PSD3: variants seen among roughly 807,000 people sequenced by gnomAD.
PSD3 encodes the protein PH and SEC7 domain-containing protein 3.
PSD3 carries 49 observed loss-of-function variants against 105.5 expected under a neutral mutation model. The ratio of observed to expected loss-of-function variants is 0.46; its 90% CI spans 0.37 to 0.59. PSD3 has a LOEUF of 0.59. PSD3 is among the 20% of genes least tolerant of loss of function. PSD3 has a pLI of 0.00. For missense variants in PSD3, 1,561 were observed against 1,263.8 expected (o/e 1.24, Z -3.57); for synonymous variants, 557 against 457.8 (o/e 1.22, Z -2.77).
chr8:18,982,754 C>T (rs1447390387), intron 1 of PSD3, among the ~76,000 whole-genome samples: 1 of 152,192 alleles, frequency 6.6e-6, no homozygotes, highest in Non-Finnish European at 1.5e-5. Flanking sequence ...TTCAGTAAAC[C>T]ATGCTGCTAA....
chr8:18,708,425 G>A (rs1289524411), intron 9 of PSD3, among the ~76,000 whole-genome samples: 1 of 151,688 alleles, frequency 6.6e-6, no homozygotes, highest in Non-Finnish European at 1.5e-5. Flanking sequence ...CTCTAGGCCT[G>A]GGATTGAAAA....
intron 2 of PSD3, among the ~76,000 whole-genome samples, chr8:18,892,175 T>TCACA (rs60102889): frequency 2.1e-4 from 32 of 149,882 alleles, no homozygotes; most frequent in Middle Eastern, 3.4e-3. Flanking sequence ...TTACTTACAA[T>TCACA]CACACACACA....
intron 12 of PSD3, among the ~76,000 whole-genome samples, chr8:18,591,336 T>A (rs769909193): frequency 6.6e-6 from 1 of 152,094 alleles, no homozygotes; most frequent in East Asian, 1.9e-4. Context: ...CTTGGTTCAA[T>A]TGGAATACTG....
chr8:18,994,403 G>A (rs1825955763), intron 1 of PSD3, among the ~76,000 whole-genome samples: 2 of 151,864 alleles, frequency 1.3e-5, no homozygotes, highest in Non-Finnish European at 2.9e-5. Context: ...AACCATATAT[G>A]CCTCACTACA....
chr8:19,054,434 T>A (rs975053536), intron 1 of PSD3, among the ~76,000 whole-genome samples: 1 of 152,040 alleles, frequency 6.6e-6, no homozygotes, highest in Non-Finnish European at 1.5e-5. Flanking sequence ...AGAGACTGAA[T>A]AATGTTTGTT....
At chr8:19,038,631 T>C (rs1489916108) in intron 1 of PSD3, among the ~76,000 whole-genome samples, 1 of 152,092 alleles carries the variant, frequency 6.6e-6, no homozygotes, top group Non-Finnish European at 1.5e-5. Flanking sequence ...CAGCTAATTT[T>C]TTTATTTTTT....
At chr8:18,889,404 A>G (rs1818645037) in intron 2 of PSD3, among the ~76,000 whole-genome samples, 1 of 152,108 alleles carries the variant, frequency 6.6e-6, no homozygotes, top group African/African-American at 2.4e-5. Context: ...CCTGTGATAT[A>G]CAAACCAACC....
At chr8:19,064,579 T>C (rs75800586) in intron 1 of PSD3, among the ~76,000 whole-genome samples, 12,900 of 152,206 alleles carry the variant, frequency 0.085, 710 homozygotes, top group Middle Eastern at 0.16. Flanking sequence ...AATACCGAGA[T>C]AATCTAAACG....
intron 11 of PSD3, among the ~76,000 whole-genome samples, chr8:18,609,226 G>A (rs1338540092): frequency 6.6e-6 from 1 of 152,180 alleles, no homozygotes; most frequent in Admixed American, 6.6e-5. Context: ...ACATTAATGA[G>A]AAGTAATTTA....
intron 4 of PSD3, among the ~76,000 whole-genome samples, chr8:18,833,842 C>T (rs1313647277): frequency 1.3e-5 from 2 of 152,014 alleles, no homozygotes; most frequent in African/African-American, 4.8e-5. Context: ...TAACTGTTGA[C>T]ATGTAAAGCC....
At chr8:18,732,423 T>C (rs1436455923) in intron 9 of PSD3, among the ~76,000 whole-genome samples, 1 of 152,232 alleles carries the variant, frequency 6.6e-6, no homozygotes, top group Non-Finnish European at 1.5e-5. Flanking sequence ...GTTCATTTGC[T>C]AGAGATTCTG....
intron 10 of PSD3, among the ~76,000 whole-genome samples, chr8:18,638,090 G>A (rs922470365): frequency 6.6e-6 from 1 of 150,914 alleles, no homozygotes; most frequent in Admixed American, 6.6e-5. Flanking sequence ...GGCAAGTGGA[G>A]GTTGCAGTGA....
At chr8:18,567,281 C>G (rs1405706648) in intron 14 of PSD3, among the ~76,000 whole-genome samples, 1 of 148,880 alleles carries the variant, frequency 6.7e-6, no homozygotes, top group African/African-American at 2.5e-5. Context: ...TTTTTTTTTG[C>G]TTCCAGTTAC....
chr8:18,759,730 T>C (rs565166482), intron 9 of PSD3, among the ~76,000 whole-genome samples: 1 of 152,020 alleles, frequency 6.6e-6, no homozygotes, highest in East Asian at 2.0e-4. Context: ...CAGAATGAAA[T>C]TATGGGACGG....
At chr8:18,895,888 A>G (rs958191004) in intron 2 of PSD3, among the ~76,000 whole-genome samples, 4 of 152,242 alleles carry the variant, frequency 2.6e-5, no homozygotes, top group Non-Finnish European at 5.9e-5. Context: ...GCTATAGAAT[A>G]CTAGAACTTA....
chr8:19,065,169 T>C (rs1829035554), intron 1 of PSD3, among the ~76,000 whole-genome samples: 1 of 152,210 alleles, frequency 6.6e-6, no homozygotes, highest in Non-Finnish European at 1.5e-5. Flanking sequence ...GTGTCTGCTT[T>C]CTTCCATCTT....
intron 9 of PSD3, among the ~76,000 whole-genome samples, chr8:18,698,853 T>C (rs542513862): frequency 2.6e-5 from 4 of 152,300 alleles, no homozygotes; most frequent in South Asian, 2.1e-4. Context: ...AACAATAATA[T>C]GTGAGATAAG....
chr8:19,059,638 C>T (rs955197061), intron 1 of PSD3, among the ~76,000 whole-genome samples: 1 of 152,134 alleles, frequency 6.6e-6, no homozygotes, highest in African/African-American at 2.4e-5. Flanking sequence ...ATCAGTTAGT[C>T]AAGAAATTTA....
intron 11 of PSD3, among the ~76,000 whole-genome samples, chr8:18,605,000 A>G (rs557089829): frequency 3.1e-4 from 47 of 152,366 alleles, no homozygotes; most frequent in African/African-American, 8.7e-4. Flanking sequence ...GCCCTCATGG[A>G]GAATTCCCTA....
Sources: allele counts gnomAD v4.1 joint callset (sites outside exome capture counted in the v4.1 genomes callset), GRCh38; gene constraint gnomAD v4.1.1; transcripts MANE v1.5; gene names NCBI Gene and HGNC (gene_info 2026-07-23, HGNC 2026-07-21).